Variants in DHRSX observed in about 807,000 individuals in gnomAD.
DHRSX encodes polyprenol dehydrogenase.
A neutral mutation model predicts 34.0 loss-of-function variants in DHRSX; 31 were observed. The observed-to-expected ratio is 0.91, with a 90% confidence interval of 0.69 to 1.23. The LOEUF (loss-of-function observed/expected upper bound fraction) is 1.23, where lower values mean the gene tolerates loss of function less well. Among genes scored for constraint, DHRSX ranks in the 50% most tolerant of loss-of-function variants. The probability of loss-of-function intolerance (pLI) is 0.00; values close to 1 mark genes in which losing one functional copy is unlikely to be tolerated. For missense variants in DHRSX, 414 were observed against 428.1 expected, an observed-to-expected ratio of 0.97 and a Z score of 0.29; for synonymous variants, 201 against 183.8, an observed-to-expected ratio of 1.09 and a Z score of -0.76.
chrX:2,254,755 T>A (rs767034572), intron 5 of DHRSX, among the ~76,000 whole-genome samples: 7 of 152,204 alleles, frequency 4.6e-5, no homozygotes, highest in African/African-American at 1.7e-4. Flanking sequence ...CAAGTGATTC[T>A]CCTGTCTTAG....
intron 3 of DHRSX, among the ~76,000 whole-genome samples, chrX:2,365,687 GT>G (rs2042987277): frequency 6.6e-6 from 1 of 152,124 alleles, no homozygotes; most frequent in East Asian, 1.9e-4. Context: ...TTAACCTGAG[GT>G]AGCTCAGGGA....
intron 5 of DHRSX, among the ~76,000 whole-genome samples, chrX:2,243,785 CCTGTTT>C: frequency 1.4e-5 from 1 of 71,556 alleles, no homozygotes; most frequent in African/African-American, 4.4e-5. Flanking sequence ...CACTATGCTC[CCTGTTT>C]TTTTTTTTTT....
chrX:2,276,692 G>A (rs1469772934), intron 4 of DHRSX, among the ~76,000 whole-genome samples: 1 of 151,492 alleles, frequency 6.6e-6, no homozygotes. Flanking sequence ...TCCAAGCGGA[G>A]AACTCCAGAG....
intron 6 of DHRSX, among the ~76,000 whole-genome samples, chrX:2,240,350 A>G (rs1310815837): frequency 2.6e-5 from 4 of 152,052 alleles, no homozygotes; most frequent in Admixed American, 2.6e-4. Context: ...GGAATGAGAG[A>G]TTCGAAGAAC....
At chrX:2,339,533 G>A (rs1405889987) in intron 3 of DHRSX, among the ~76,000 whole-genome samples, 1 of 151,846 alleles carries the variant, frequency 6.6e-6, no homozygotes, top group Non-Finnish European at 1.5e-5. Context: ...TTTATCCCTC[G>A]CTGCCCCCTC....
At chrX:2,489,076 C>T in intron 1 of DHRSX, 1 of 1,613,882 alleles carries the variant, frequency 6.2e-7, no homozygotes, top group Non-Finnish European at 8.5e-7. Context: ...AGATCTCGGC[C>T]AGCATGTTGT....
In DHRSX at chrX:2,340,839, G is replaced by A. The variant is rs181904696; in HGVS notation, c.287-49236C>T. On this transcript the variant is annotated intron_variant, in intron 3 of 6. Coordinates refer to ENST00000334651, the MANE Select transcript of DHRSX (RefSeq NM_145177.3). The stretch of plus-strand genomic sequence containing the variant: ...CAACAAAAGGAAGGAAAAAGAGTGT[G>A]GAAATACCAGCCAACGAGCTGGTGT... Among the ~76,000 whole-genome samples the A allele has an allele frequency of 6.0e-3, 910 of 152,176 alleles. 7 individuals are homozygous for A. Among genetic ancestry groups the A allele is most frequent in the African/African-American group, 0.021 (880 of 41,558 alleles).
At chrX:2,282,823 GGAGA>G (rs1432857240) in intron 4 of DHRSX, among the ~76,000 whole-genome samples, 3 of 104,430 alleles carry the variant, frequency 2.9e-5, no homozygotes, top group South Asian at 3.5e-4. Flanking sequence ...AGAGAGAGAG[GGAGA>G]GAGAGGGAGA....
At chrX:2,463,394 G>T (rs1328689489) in intron 1 of DHRSX, among the ~76,000 whole-genome samples, 2 of 152,086 alleles carry the variant, frequency 1.3e-5, no homozygotes, top group African/African-American at 4.8e-5. Context: ...TTCCACCCTG[G>T]GCTCTGGAAC....
intron 3 of DHRSX, among the ~76,000 whole-genome samples, chrX:2,402,276 T>G (rs2043495941): frequency 6.6e-6 from 1 of 152,242 alleles, no homozygotes; most frequent in South Asian, 2.1e-4. Flanking sequence ...CAGCTCCCTC[T>G]GTCCCTCGCT....
At chrX:2,331,357 A>G (rs771204186) in intron 3 of DHRSX, among the ~76,000 whole-genome samples, 1 of 149,270 alleles carries the variant, frequency 6.7e-6, no homozygotes, top group East Asian at 2.0e-4. Context: ...GTTAATGTGG[A>G]TATCTTAACT....
At chrX:2,479,963 C>T (rs1205153958) in intron 1 of DHRSX, among the ~76,000 whole-genome samples, 2 of 152,124 alleles carry the variant, frequency 1.3e-5, no homozygotes, top group Admixed American at 6.6e-5. Flanking sequence ...AACGGGCCTG[C>T]GAAACACCAA....
chrX:2,454,884 G>A (rs1369826296), intron 1 of DHRSX, among the ~76,000 whole-genome samples: 4 of 152,080 alleles, frequency 2.6e-5, no homozygotes, highest in East Asian at 1.9e-4. Flanking sequence ...AGGCCGAGGC[G>A]GGTGGATTAC....
intron 3 of DHRSX, among the ~76,000 whole-genome samples, chrX:2,348,342 G>A (rs2042745667): frequency 6.6e-6 from 1 of 152,162 alleles, no homozygotes; most frequent in East Asian, 1.9e-4. Flanking sequence ...GGCTTAAGTG[G>A]ATCAAGCTGG....
rs185483857 is a variant in DHRSX, at chrX:2,497,380, C to T, written c.109+3437G>A. Among the ~76,000 whole-genome samples, 14 of 152,140 alleles carry T rather than the reference C, an allele frequency of 9.2e-5. No homozygotes were observed. The East Asian group carries it at 1.5e-3, about 17-fold the overall frequency. ...TGCACTCCAGCCTGGGAAACAAAAGCGAAACTTGGTCTCAAGAAAAAGAAG... is the reference window on the plus strand; with the variant it reads ...TGCACTCCAGCCTGGGAAACAAAAGTGAAACTTGGTCTCAAGAAAAAGAAG... On this transcript the variant is annotated intron_variant, in intron 1 of 6. Transcript: ENST00000334651.
chrX:2,230,382 A>G (rs1311814427), intron 6 of DHRSX, among the ~76,000 whole-genome samples: 1 of 152,162 alleles, frequency 6.6e-6, no homozygotes, highest in Non-Finnish European at 1.5e-5. Context: ...ACAATCTCGT[A>G]AGACACACAC....
At chrX:2,463,673 G>A (rs2044434698) in intron 1 of DHRSX, among the ~76,000 whole-genome samples, 1 of 152,162 alleles carries the variant, frequency 6.6e-6, no homozygotes, top group Non-Finnish European at 1.5e-5. Context: ...AATGCGGTCA[G>A]GACGCTGGCT....
chrX:2,329,601 T>C (rs2042432049), intron 3 of DHRSX, among the ~76,000 whole-genome samples: 1 of 152,170 alleles, frequency 6.6e-6, no homozygotes, highest in South Asian at 2.1e-4. Context: ...AGTCTCAGCC[T>C]GCATGGATGG....
chrX:2,223,540 G>C (rs1015267421), intron 6 of DHRSX, among the ~76,000 whole-genome samples: 1 of 152,056 alleles, frequency 6.6e-6, no homozygotes, highest in Non-Finnish European at 1.5e-5. Context: ...CCTGTGTCCC[G>C]TGTCTTGCCC....
Sources: allele counts gnomAD v4.1 joint callset (sites outside exome capture counted in the v4.1 genomes callset), GRCh38; gene constraint gnomAD v4.1.1; transcripts MANE v1.5; gene names NCBI Gene and HGNC (gene_info 2026-07-23, HGNC 2026-07-21).